The following FAM133A variants were observed in gnomAD, a reference collection of about 807,000 sequenced individuals.
FAM133A encodes the protein protein FAM133A.
For missense variants in FAM133A, 159 were observed against 164.4 expected (o/e 0.97, Z 0.18); for synonymous variants, 65 against 58.6 (o/e 1.11, Z -0.50).
rs559898675 is a variant in FAM133A, at chrX:93,687,152, T to C, written c.-192-11245T>C. Among the ~76,000 whole-genome samples, 91 of 112,497 alleles carry C rather than the reference T, an allele frequency of 8.1e-4. No homozygotes were observed. In the South Asian group the frequency reaches 0.033, roughly 41 times the overall value. The stretch of plus-strand genomic sequence containing the variant: ...GTGGATAAAGAAAATGTGGTATATA[T>C]ACAACAGCCATAAAATGGAATAAAA... On this transcript the variant is annotated intron_variant, in intron 2 of 3. Coordinates refer to ENST00000683942, the MANE Select transcript of FAM133A (RefSeq NM_001171109.2).
intron 2 of FAM133A, among the ~76,000 whole-genome samples, chrX:93,677,164 G>C (rs547159397): frequency 2.0e-4 from 22 of 109,257 alleles, no homozygotes; most frequent in African/African-American, 7.0e-4. Context: ...TTGGCGGGGG[G>C]GCTAAATGTT....
intron 2 of FAM133A, among the ~76,000 whole-genome samples, chrX:93,685,651 A>G (rs891757412): frequency 4.5e-5 from 5 of 111,854 alleles, no homozygotes; most frequent in African/African-American, 1.6e-4. Context: ...ATGAAAACCG[A>G]TAGAATATTC....
chrX:93,706,542 C>A (rs905127643), intron 3 of FAM133A, among the ~76,000 whole-genome samples: 8 of 111,766 alleles, frequency 7.2e-5, no homozygotes, highest in African/African-American at 2.6e-4. Context: ...TCCCATACAT[C>A]CTCTTTCTTA....
chrX:93,682,044 T>C (rs1925199876), intron 2 of FAM133A, among the ~76,000 whole-genome samples: 1 of 111,631 alleles, frequency 9.0e-6, no homozygotes, highest in South Asian at 3.8e-4. Flanking sequence ...AACACTTATA[T>C]CCTTGCCCTA....
intron 3 of FAM133A, among the ~76,000 whole-genome samples, chrX:93,707,941 A>G (rs1001125171): frequency 3.6e-5 from 4 of 112,174 alleles, no homozygotes; most frequent in Non-Finnish European, 7.5e-5. Flanking sequence ...AGCAGTGGAT[A>G]CACATGTATA....
At chrX:93,675,558 G>C (rs1338440206) in intron 2 of FAM133A, among the ~76,000 whole-genome samples, 1 of 111,359 alleles carries the variant, frequency 9.0e-6, no homozygotes, top group Non-Finnish European at 1.9e-5. Context: ...CCTAAAGCAT[G>C]TATTTCTATG....
At chrX:93,704,556 T>G (rs1289433409) in intron 3 of FAM133A, among the ~76,000 whole-genome samples, 1 of 112,027 alleles carries the variant, frequency 8.9e-6, no homozygotes, top group Non-Finnish European at 1.9e-5. Context: ...CTGTGAGAAT[T>G]TATCTACAAT....
At chrX:93,692,207 G>C (rs1925939901) in intron 2 of FAM133A, among the ~76,000 whole-genome samples, 1 of 111,501 alleles carries the variant, frequency 9.0e-6, no homozygotes, top group Non-Finnish European at 1.9e-5. Context: ...AATATTTCCT[G>C]GGAATGTCGT....
At chrX:93,675,924 A>G (rs1924656675) in intron 2 of FAM133A, among the ~76,000 whole-genome samples, 1 of 111,440 alleles carries the variant, frequency 9.0e-6, no homozygotes, top group Admixed American at 9.5e-5. Context: ...TACTATTTTT[A>G]TTTTAAATTA....
chrX:93,710,151 T>A lies in FAM133A; in HGVS notation c.732T>A (p.Ser244Arg). 1 of 1,176,255 alleles carries A rather than the reference T, an allele frequency of 8.5e-7. No homozygotes were observed. Among genetic ancestry groups the A allele is most frequent in the Non-Finnish European group, 1.1e-6 (1 of 884,079 alleles). ...AGAAGAAAAAGAAGTCTGGATCAAG[T>A]CACAAGTCAAGGTAACATCAAGAAA... ...SKKKKKKSGS[S>R]HKSR The change falls in exon 4 of 4, where the codon AGT becomes AGA. Residue 244 changes from serine to arginine, a missense_variant. Coordinates refer to ENST00000683942, the MANE Select transcript of FAM133A (RefSeq NM_001171109.2).
chrX:93,700,617 T>A (rs1926630255), intron 3 of FAM133A, among the ~76,000 whole-genome samples: 1 of 111,694 alleles, frequency 9.0e-6, no homozygotes, highest in Non-Finnish European at 1.9e-5. Flanking sequence ...TTTTTGATGC[T>A]TCTGACCATT....
At chrX:93,673,773 G>T (rs1241904501), upstream of FAM133A, among the ~76,000 whole-genome samples, 1 of 109,028 alleles carries the variant, frequency 9.2e-6, no homozygotes, top group Non-Finnish European at 1.9e-5. Flanking sequence ...GACGCCGCTC[G>T]CTGGCTGAGG....
intron 2 of FAM133A, among the ~76,000 whole-genome samples, chrX:93,684,854 T>C (rs1212482310): frequency 8.9e-6 from 1 of 112,301 alleles, no homozygotes; most frequent in Non-Finnish European, 1.9e-5. Flanking sequence ...TACAGAAAGC[T>C]GAAATAGTGT....
intron 2 of FAM133A, among the ~76,000 whole-genome samples, chrX:93,694,260 G>C (rs998096496): frequency 1.6e-4 from 18 of 110,810 alleles, no homozygotes; most frequent in African/African-American, 5.9e-4. Context: ...ATATTCTCCA[G>C]TTAATATAAC....
intron 2 of FAM133A, among the ~76,000 whole-genome samples, chrX:93,680,020 G>A (rs1033295059): frequency 6.2e-5 from 6 of 96,705 alleles, no homozygotes; most frequent in South Asian, 5.1e-4. Context: ...CTCGTGATCC[G>A]CCCACATTGG....
chrX:93,707,225 G>A (rs763182550), intron 3 of FAM133A, among the ~76,000 whole-genome samples: 26 of 111,881 alleles, frequency 2.3e-4, no homozygotes, highest in Non-Finnish European at 4.7e-4. Flanking sequence ...TTGAGACGTG[G>A]TTAGGGTAAG....
intron 2 of FAM133A, among the ~76,000 whole-genome samples, chrX:93,684,629 T>G (rs1925390972): frequency 8.9e-6 from 1 of 112,151 alleles, no homozygotes; most frequent in Non-Finnish European, 1.9e-5. Flanking sequence ...TGTGTGTTTG[T>G]TTTCATTCAC....
Position 93,711,856 on chromosome X carries a change from A to G in FAM133A, c.*1690A>G, listed in dbSNP as rs963482023. ...ATAAAAACTATTACATTTATGGGAT[A>G]TTTTGTATCCATATAGAGTTTTTCA... On this transcript the variant is annotated 3_prime_UTR_variant, in exon 4 of 4. Coordinates refer to ENST00000683942, the MANE Select transcript of FAM133A (RefSeq NM_001171109.2). 1 of 123,101 alleles carries G rather than the reference A, an allele frequency of 8.1e-6. No individual in the cohort carries two copies. The highest frequency in any genetic ancestry group is 3.2e-5 in the African/African-American group (1 of 30,817). The allele number at this position is 123,101 out of a possible 1,213,427, so 10.1% of individuals were successfully genotyped here.
chrX:93,700,630 G>A (rs746627239), intron 3 of FAM133A, among the ~76,000 whole-genome samples: 1 of 110,799 alleles, frequency 9.0e-6, no homozygotes, highest in Non-Finnish European at 1.9e-5. Context: ...TGACCATTAC[G>A]TGCTATTATT....
Sources: allele counts gnomAD v4.1 joint callset (sites outside exome capture counted in the v4.1 genomes callset), GRCh38; gene constraint gnomAD v4.1.1; transcripts MANE v1.5; gene names NCBI Gene and HGNC (gene_info 2026-07-23, HGNC 2026-07-21).